FAR2: variants seen among roughly 807,000 people sequenced by gnomAD.
FAR2 encodes the protein fatty acyl-CoA reductase 2, also known as epididymis secretory protein Li 81.
Under a neutral mutation model 56.0 loss-of-function variants are expected in FAR2, and 19 were observed. That is an observed-to-expected ratio of 0.34 (90% confidence interval 0.24 to 0.50). The LOEUF (loss-of-function observed/expected upper bound fraction) is 0.50, where lower values mean the gene tolerates loss of function less well. FAR2 is among the 20% of genes least tolerant of loss of function. The probability of loss-of-function intolerance (pLI) is 0.98; values close to 1 mark genes in which losing one functional copy is unlikely to be tolerated. For synonymous variants in FAR2, 219 were observed against 218.8 expected (o/e 1.00, Z -0.01); for missense variants, 508 against 642.2 (o/e 0.79, Z 2.26).
intron 9 of FAR2, among the ~76,000 whole-genome samples, chr12:29,318,963 G>C (rs1949505203): frequency 6.6e-6 from 1 of 150,856 alleles, no homozygotes; most frequent in Admixed American, 6.6e-5. Flanking sequence ...GTGTATGAAG[G>C]GTACAAAAGT....
At chr12:29,195,854 C>CTTCCCCTCGTCCTT (rs1253818822) in intron 1 of FAR2, among the ~76,000 whole-genome samples, 1 of 152,064 alleles carries the variant, frequency 6.6e-6, no homozygotes, top group Non-Finnish European at 1.5e-5. Context: ...CATCCCTTAC[C>CTTCCCCTCGTCCTT]TTCCCCTCGT....
At chr12:29,262,973 A>G (rs1948448304) in intron 1 of FAR2, among the ~76,000 whole-genome samples, 1 of 152,224 alleles carries the variant, frequency 6.6e-6, no homozygotes, top group South Asian at 2.1e-4. Context: ...ATGCTAATGG[A>G]AACCAAAAAA....
rs1166157251 is a variant in FAR2, at chr12:29,334,307, CTA to C, written c.*515_*516del. 2 of 151,994 alleles carry C rather than the reference CTA, an allele frequency of 1.3e-5. No individual in the cohort carries two copies. Among genetic ancestry groups the C allele is most frequent in the Non-Finnish European group, 2.9e-5 (2 of 68,040 alleles). 9.4% of individuals were successfully genotyped at this position (151,994 alleles called of 1,614,324 possible). On this transcript the variant is annotated 3_prime_UTR_variant, in exon 12 of 12. Transcript: ENST00000536681. ...CCACTGAAAATGTCTCTCTTTCTTT[CTA>C]TGTTATACCCTGGAGTCCTGGTTGA...
At chr12:29,186,616 G>C (rs958685370) in intron 1 of FAR2, among the ~76,000 whole-genome samples, 17 of 152,132 alleles carry the variant, frequency 1.1e-4, no homozygotes, top group Non-Finnish European at 2.1e-4. Flanking sequence ...ATAATTCCAG[G>C]CTGGACATAT....
At chr12:29,155,834 G>C (rs146511712) in intron 1 of FAR2, among the ~76,000 whole-genome samples, 1 of 152,018 alleles carries the variant, frequency 6.6e-6, no homozygotes, top group Non-Finnish European at 1.5e-5. Context: ...GTTGACCCCT[G>C]CTCTAAGGCT....
chr12:29,186,990 G>A (rs1473160612), intron 1 of FAR2, among the ~76,000 whole-genome samples: 1 of 151,886 alleles, frequency 6.6e-6, no homozygotes, highest in Non-Finnish European at 1.5e-5. Context: ...GGGTTTCACC[G>A]TGTTAGCCAG....
chr12:29,299,284 C>A (rs1285021484), intron 4 of FAR2, among the ~76,000 whole-genome samples: 3 of 151,222 alleles, frequency 2.0e-5, no homozygotes, highest in African/African-American at 7.3e-5. Context: ...TAGTGAAGGG[C>A]TTCTCTAGGT....
intron 1 of FAR2, among the ~76,000 whole-genome samples, chr12:29,158,934 A>G (rs1949754798): frequency 6.6e-6 from 1 of 152,168 alleles, no homozygotes; most frequent in Non-Finnish European, 1.5e-5. Flanking sequence ...TCCCATGACA[A>G]TTCCATTCCA....
chr12:29,155,188 G>C (rs184450760), intron 1 of FAR2, among the ~76,000 whole-genome samples: 57 of 152,294 alleles, frequency 3.7e-4, no homozygotes, highest in Admixed American at 1.0e-3. Flanking sequence ...TCATACATGT[G>C]ACCTGAGGCA....
intron 1 of FAR2, among the ~76,000 whole-genome samples, chr12:29,155,118 C>T (rs761706021): frequency 2.0e-5 from 3 of 152,144 alleles, no homozygotes; most frequent in Non-Finnish European, 4.4e-5. Flanking sequence ...TTTTTCATTT[C>T]TACTTCTTTG....
rs1218174498 is a variant in FAR2 at position 29,189,150 on chromosome 12, G to A, written c.-39+39743G>A. Among the ~76,000 whole-genome samples the A allele has an allele frequency of 5.3e-5, 8 of 152,254 alleles. No individual in the cohort carries two copies. In the South Asian group the frequency reaches 1.2e-3, roughly 24 times the overall value. On this transcript the variant is annotated intron_variant, in intron 1 of 11. Transcript: ENST00000536681. The stretch of plus-strand genomic sequence containing the variant: ...GGAACTCAGCCGCATCTCCCGGAAA[G>A]GGGAACAGCCACATTTATTATTTGA...
intron 1 of FAR2, among the ~76,000 whole-genome samples, chr12:29,178,607 T>C (rs1949962057): frequency 6.6e-6 from 1 of 152,160 alleles, no homozygotes; most frequent in Non-Finnish European, 1.5e-5. Flanking sequence ...CAGCAAGATC[T>C]TGTCTCAATT....
chr12:29,318,933 C>T (rs1490810299), intron 9 of FAR2, among the ~76,000 whole-genome samples: 1 of 151,870 alleles, frequency 6.6e-6, no homozygotes, highest in Non-Finnish European at 1.5e-5. Flanking sequence ...AAGAGACTGT[C>T]AATTGGCACT....
chr12:29,182,103 G>T (rs1404931903), intron 1 of FAR2, among the ~76,000 whole-genome samples: 2 of 152,210 alleles, frequency 1.3e-5, no homozygotes, highest in East Asian at 3.9e-4. Context: ...GTGCAGAGTT[G>T]GTTCCTTCTG....
chr12:29,275,060 C>T (rs1378101390), intron 2 of FAR2, among the ~76,000 whole-genome samples: 1 of 149,530 alleles, frequency 6.7e-6, no homozygotes, highest in Non-Finnish European at 1.5e-5. Flanking sequence ...CAGGTTGGCA[C>T]CAAATTTCAT....
intron 1 of FAR2, among the ~76,000 whole-genome samples, chr12:29,168,969 T>G (rs999202858): frequency 2.0e-5 from 3 of 152,210 alleles, no homozygotes; most frequent in Non-Finnish European, 4.4e-5. Context: ...TACAGAGTGC[T>G]GATTGATGTG....
intron 1 of FAR2, among the ~76,000 whole-genome samples, chr12:29,252,541 T>C (rs546227494): frequency 6.6e-6 from 1 of 152,368 alleles, no homozygotes; most frequent in Admixed American, 6.5e-5. Flanking sequence ...TTTCCTCTTT[T>C]GTCCGCTTAT....
chr12:29,296,590 T>C (rs1490668358), intron 3 of FAR2, among the ~76,000 whole-genome samples: 1 of 152,216 alleles, frequency 6.6e-6, no homozygotes, highest in Non-Finnish European at 1.5e-5. Flanking sequence ...GCCTGGATCT[T>C]TACAAGAGCA....
intron 2 of FAR2, among the ~76,000 whole-genome samples, chr12:29,285,134 C>A (rs907485680): frequency 1.4e-4 from 22 of 152,180 alleles, no homozygotes; most frequent in Non-Finnish European, 2.8e-4. Context: ...AGCCACCGCG[C>A]CCGGCCGCAT....
Sources: gnomAD v4.1 joint callset for allele counts (sites outside exome capture counted in the v4.1 genomes callset) on GRCh38, gnomAD v4.1.1 for gene constraint, MANE v1.5 for transcripts, NCBI Gene and HGNC (gene_info 2026-07-23, HGNC 2026-07-21) for gene names.